Variants in MICAL3 observed in about 807,000 individuals in gnomAD.
The protein encoded by MICAL3 is [F-actin]-monooxygenase MICAL3.
In MICAL3, 62 loss-of-function variants were observed where a neutral mutation model predicts 207.4. The ratio of observed to expected loss-of-function variants is 0.30; its 90% CI spans 0.24 to 0.37. MICAL3 has a LOEUF of 0.37. Ranked by LOEUF, MICAL3 falls within the 10% of genes least tolerant of loss-of-function variation. The pLI is 1.00. For synonymous variants in MICAL3, 1,077 were observed against 1,069.3 expected, an observed-to-expected ratio of 1.01 and a Z score of -0.14; for missense variants, 2,368 against 2,635.6, an observed-to-expected ratio of 0.90 and a Z score of 2.22.
In MICAL3 at chr22:17,817,346, G is replaced by A. The variant is rs777765061; in HGVS notation, c.5315C>T (p.Ser1772Phe). The A allele has an allele frequency of 2.5e-6, 4 of 1,608,702 alleles. No individual in the cohort carries two copies. The highest frequency in any genetic ancestry group is 3.4e-6 in the Non-Finnish European group (4 of 1,177,942). Residue 1772 changes from serine to phenylalanine, a missense_variant, in exon 26 of 32, where the codon TCT becomes TTT. By Grantham distance (155) the Ser-to-Phe change is radical. Transcript: ENST00000441493. ...STPSSGATVD[S>F]GKHRVLPVVR... ...GACGGGAAGCACCCTGTGCTTTCCA[G>A]AGTCCACCGTGGCCCCGCTGGAGGG...
intron 1 of MICAL3, among the ~76,000 whole-genome samples, chr22:17,986,305 G>T (rs1290362508): frequency 6.6e-6 from 1 of 152,186 alleles, no homozygotes; most frequent in Admixed American, 6.5e-5. Context: ...CGGATCACCT[G>T]AGGTCAGGAG....
Position 17,895,509 on chromosome 22 carries a change from A to G in MICAL3, c.1323-99T>C, listed in dbSNP as rs530096024. ...CTGACAGCGCAGCAAGTCACCTGAC[A>G]TGCCTGACAAATCCTCATCCTTGAC... On this transcript the variant is annotated intron_variant, in intron 9 of 31. Coordinates refer to ENST00000441493, the MANE Select transcript of MICAL3 (RefSeq NM_015241.3). 5 of 1,354,578 alleles carry G rather than the reference A, an allele frequency of 3.7e-6. No homozygotes were observed. In the East Asian group the frequency reaches 9.9e-5, roughly 27 times the overall value. The allele number at this position is 1,354,578 out of a possible 1,614,324, so 83.9% of individuals were successfully genotyped here. A position where few individuals can be genotyped will look rare whatever the true frequency, so the allele number is the denominator to read the frequency against.
intron 29 of MICAL3, among the ~76,000 whole-genome samples, chr22:17,805,663 A>G (rs1305273879): frequency 6.6e-6 from 1 of 152,248 alleles, no homozygotes; most frequent in Non-Finnish European, 1.5e-5. Flanking sequence ...GGGTCTCCCA[A>G]ATACCTGATG....
chr22:17,792,537 G>A (rs554897268), intron 29 of MICAL3, among the ~76,000 whole-genome samples: 4 of 152,264 alleles, frequency 2.6e-5, no homozygotes, highest in Non-Finnish European at 4.4e-5. Flanking sequence ...GCCACAGCCC[G>A]AGTCCTCCCT....
intron 16 of MICAL3, among the ~76,000 whole-genome samples, chr22:17,878,866 C>T (rs1437657905): frequency 6.6e-6 from 1 of 152,162 alleles, no homozygotes; most frequent in Non-Finnish European, 1.5e-5. Context: ...TCATTCTCAT[C>T]CCACTGGAAA....
At chr22:17,967,463 AACACACAC>A (rs71184751) in intron 1 of MICAL3, among the ~76,000 whole-genome samples, 5 of 126,136 alleles carry the variant, frequency 4.0e-5, no homozygotes, top group South Asian at 4.9e-4. Context: ...TGTACATGCA[AACACACAC>A]ACACACACAC....
Position 17,790,160 on chromosome 22 carries a change from C to A in MICAL3, c.*572G>T, listed in dbSNP as rs992930550. ...TCGGCTGGAGGGCAGACCCCTCCTG[C>A]GTCCTCCTAATTTGCATAATAATTC... On this transcript the variant is annotated 3_prime_UTR_variant, in exon 32 of 32. Coordinates refer to ENST00000441493, the MANE Select transcript of MICAL3 (RefSeq NM_015241.3). The A allele has an allele frequency of 6.6e-6, 1 of 152,664 alleles. No individual in the cohort carries two copies. Among genetic ancestry groups the A allele is most frequent in the Admixed American group, 6.5e-5 (1 of 15,322 alleles). The allele number at this position is 152,664 out of a possible 1,614,324, so 9.5% of individuals were successfully genotyped here. A position where few individuals can be genotyped will look rare whatever the true frequency, so the allele number is the denominator to read the frequency against.
intron 1 of MICAL3, among the ~76,000 whole-genome samples, chr22:17,925,388 T>G (rs1932895083): frequency 6.6e-6 from 1 of 152,246 alleles, no homozygotes; most frequent in Non-Finnish European, 1.5e-5. Flanking sequence ...TCACCCGTTT[T>G]CAGTGTACAA....
chr22:17,945,006 ACC>A (rs1481349425), intron 1 of MICAL3, among the ~76,000 whole-genome samples: 1 of 112,470 alleles, frequency 8.9e-6, no homozygotes, highest in Admixed American at 1.0e-4. Flanking sequence ...GCACTGGGGG[ACC>A]TTTTTTTTTT....
chr22:17,877,387 T>TGAAGGTTAGGGAGGTTAC (rs1928830966), intron 16 of MICAL3, among the ~76,000 whole-genome samples: 2 of 12,032 alleles, frequency 1.7e-4, no homozygotes, highest in Admixed American at 9.1e-4. Flanking sequence ...AGGGAGGTTA[T>TGAAGGTTAGGGAGGTTAC]GGAGGTTAGG....
Position 17,896,815 on chromosome 22 carries a change from G to C in MICAL3, c.1115C>G (p.Thr372Ser), listed in dbSNP as rs1930886850. Residue 372 changes from threonine to serine, a missense_variant, in exon 8 of 32, where the codon ACT becomes AGT. This residue lies in a region of MICAL3 where 400 missense variants were observed against 547.0 expected (regional missense o/e 0.73). Coordinates refer to ENST00000441493, the MANE Select transcript of MICAL3 (RefSeq NM_015241.3). ...GQPDVAMFDF[T>S]CMYASENAAL... ...GGCGTTCTCGGAGGCATACATACAA[G>C]TGAAGTCAAACATGGCCACATCGGG... is the stretch of plus-strand genomic sequence containing the variant. 1 of 1,614,124 alleles carries C rather than the reference G, an allele frequency of 6.2e-7. No homozygotes were observed. The highest frequency in any genetic ancestry group is 8.5e-7 in the Non-Finnish European group (1 of 1,180,036).
At chr22:17,960,540 C>T (rs1404992245) in intron 1 of MICAL3, among the ~76,000 whole-genome samples, 7 of 152,152 alleles carry the variant, frequency 4.6e-5, no homozygotes, top group Admixed American at 1.3e-4. Flanking sequence ...GAACACCCCG[C>T]CCAGGAGTGT....
At position 17,973,426 on chromosome 22, in the gene MICAL3, C is replaced by T. The variant is rs2067071; in HGVS notation, c.-75+50855G>A. ...TCCTTCCCAACAGGGCCTGGGACAC[C>T]GGCTTGATCATCATGAGGCCCAGGA... On this transcript the variant is annotated intron_variant, in intron 1 of 31. Coordinates refer to ENST00000441493, the MANE Select transcript of MICAL3 (RefSeq NM_015241.3). 2.9e-3 allele frequency among the ~76,000 whole-genome samples: 442 copies of T among 152,264 alleles called. 17 individuals carry two copies. The East Asian group carries it at 0.076, about 26-fold the overall frequency.
intron 16 of MICAL3, among the ~76,000 whole-genome samples, chr22:17,875,010 T>C (rs1928143077): frequency 6.6e-6 from 1 of 152,212 alleles, no homozygotes; most frequent in African/African-American, 2.4e-5. Context: ...GCCGCGTACA[T>C]TCCTCAAATG....
At position 17,885,982 on chromosome 22, in the gene MICAL3, C is replaced by A. The variant is rs1276542629; in HGVS notation, c.2137G>T (p.Asp713Tyr). The A allele has an allele frequency of 1.2e-6, 2 of 1,614,034 alleles. No individual in the cohort carries two copies. The highest frequency in any genetic ancestry group is 1.7e-6 in the Non-Finnish European group (2 of 1,179,900). ...TTGTTCTGGTTCCCAACGGCAACGT[C>A]CATCCTCCTGTCTGTCAGAGTGCTC... ...LVSTLTDRRM[D>Y]VAVGNQNKVK... The change falls in exon 16 of 32, where the codon GAC becomes TAC. Residue 713 changes from aspartate (D) to tyrosine (Y), a missense_variant. Asp to Tyr is a radical substitution (Grantham distance 160). Transcript: ENST00000441493.
intron 1 of MICAL3, among the ~76,000 whole-genome samples, chr22:17,911,284 G>A (rs897311662): frequency 6.6e-6 from 1 of 152,028 alleles, no homozygotes; most frequent in Non-Finnish European, 1.5e-5. Flanking sequence ...TCTTAGAAGA[G>A]GTAGCTGGAT....
At chr22:17,904,263 C>G (rs568337508) in intron 3 of MICAL3, among the ~76,000 whole-genome samples, 3 of 152,362 alleles carry the variant, frequency 2.0e-5, no homozygotes, top group African/African-American at 7.2e-5. Flanking sequence ...GTACTTCTGC[C>G]ACTGCAAGAA....
intron 1 of MICAL3, among the ~76,000 whole-genome samples, chr22:17,956,654 G>A (rs12158823): frequency 0.21 from 32,175 of 152,096 alleles, 3,591 homozygotes; most frequent in Middle Eastern, 0.29. Flanking sequence ...GGGCACAGCC[G>A]ACTCCTGCAC....
At chr22:17,802,536 G>A (rs1208505660) in intron 29 of MICAL3, among the ~76,000 whole-genome samples, 1 of 148,698 alleles carries the variant, frequency 6.7e-6, no homozygotes, top group Admixed American at 6.6e-5. Flanking sequence ...GGGACACTGA[G>A]GGAGTCTCCA....
Sources: gnomAD v4.1 joint callset for allele counts (sites outside exome capture counted in the v4.1 genomes callset) on GRCh38, gnomAD v4.1.1 for gene constraint, gnomAD v4.1.1 regional missense constraint, MANE v1.5 for transcripts, NCBI Gene and HGNC (gene_info 2026-07-23, HGNC 2026-07-21) for gene names.